The following NCAPD3 variants were observed in gnomAD, a reference collection of about 807,000 sequenced individuals.
NCAPD3 encodes non-SMC condensin II complex subunit D3.
NCAPD3 carries 105 observed loss-of-function variants against 182.9 expected under a neutral mutation model. The ratio of observed to expected loss-of-function variants is 0.57; its 90% CI spans 0.49 to 0.68. NCAPD3 has a LOEUF of 0.68. Ranked by LOEUF, NCAPD3 falls within the 30% of genes least tolerant of loss-of-function variation. NCAPD3 has a pLI of 0.00. For synonymous variants in NCAPD3, 815 were observed against 679.9 expected (o/e 1.20, Z -3.09); for missense variants, 1,944 against 1,837.0 (o/e 1.06, Z -1.07).
intron 16 of NCAPD3, among the ~76,000 whole-genome samples, chr11:134,187,127 C>T (rs907512708): frequency 1.3e-5 from 2 of 152,180 alleles, no homozygotes; most frequent in African/African-American, 4.8e-5. Flanking sequence ...CAGCCATTCC[C>T]CACCTGGGCA....
intron 26 of NCAPD3, 27 bp from the exon 27 acceptor site, chr11:134,168,222 T>A (rs1379390993): frequency 6.3e-7 from 1 of 1,598,708 alleles, no homozygotes; most frequent in Admixed American, 1.7e-5. Context: ...GAGAAAAACG[T>A]GAGCTTCTGA....
rs1039811870 is a variant in NCAPD3 at position 134,168,360 on chromosome 11, G to T, written c.3373+109C>A. On this transcript the variant is annotated intron_variant, in intron 26 of 34. Coordinates refer to ENST00000534548, the MANE Select transcript of NCAPD3 (RefSeq NM_015261.3). ...GCCAGAGAAGGACAAGATGACAGGG[G>T]TCTTCCTGCAGTGCCAGGGTCTCCC... 1.4e-5 allele frequency: 21 copies of T among 1,526,796 alleles called. No individual in the cohort carries two copies. In the African/African-American group the frequency reaches 2.7e-4, roughly 20 times the overall value. 94.6% of individuals were successfully genotyped at this position (1,526,796 alleles called of 1,614,324 possible).
At chr11:134,155,854 C>T (rs1235667921) in intron 32 of NCAPD3, among the ~76,000 whole-genome samples, 4 of 131,892 alleles carry the variant, frequency 3.0e-5, no homozygotes, top group South Asian at 5.7e-4. Context: ...ATTCGGTTGT[C>T]GTCTGAGGGT....
At chr11:134,207,825 T>C (rs1937672425) in intron 7 of NCAPD3, among the ~76,000 whole-genome samples, 1 of 151,956 alleles carries the variant, frequency 6.6e-6, no homozygotes, top group Non-Finnish European at 1.5e-5. Flanking sequence ...ATGTTATTGT[T>C]TAAAATATTT....
At chr11:134,172,762 C>T (rs753361185) in intron 24 of NCAPD3, among the ~76,000 whole-genome samples, 10 of 152,012 alleles carry the variant, frequency 6.6e-5, no homozygotes, top group South Asian at 2.1e-4. Flanking sequence ...TCATACAGGC[C>T]GGGGTGGTGG....
chr11:134,176,404 G>C lies in NCAPD3; in HGVS notation c.3022-18C>G. 6.2e-7 allele frequency: 1 copy of C among 1,610,712 alleles called. No individual in the cohort carries two copies. Among genetic ancestry groups the C allele is most frequent in the Non-Finnish European group, 8.5e-7 (1 of 1,177,260 alleles). On this transcript the variant is annotated intron_variant, in intron 23 of 34. Transcript: ENST00000534548. ...AATTCCTCCTGTGCAGAGAGAAGCC[G>C]GCATGTTTCAGAGTGCGTCATCATG...
At chr11:134,205,706 T>G (rs1344419461) in intron 8 of NCAPD3, among the ~76,000 whole-genome samples, 1 of 152,236 alleles carries the variant, frequency 6.6e-6, no homozygotes, top group Non-Finnish European at 1.5e-5. Flanking sequence ...ATGCCCAGAC[T>G]TGATCCATTT....
chr11:134,210,334 C>G lies in NCAPD3; in HGVS notation c.503G>C (p.Ser168Thr). ...ATGCCTCCCGGGGTTAGCCTGAGAG[C>G]TCTTAGGCTGTTCTTTCTTTCTTTT... ...NRKRKKEQPK[S>T]SQANPGRHRK... is the part of the protein sequence containing the mutation. Residue 168 changes from serine (S) to threonine (T), a missense_variant, in exon 4 of 35, where the codon AGC becomes ACC. Physicochemically the swap from Ser to Thr is moderately conservative, Grantham distance 58 (BLOSUM62 1). Coordinates refer to ENST00000534548, the MANE Select transcript of NCAPD3 (RefSeq NM_015261.3). 6.2e-7 allele frequency: 1 copy of G among 1,614,200 alleles called. No individual in the cohort carries two copies. Among genetic ancestry groups the G allele is most frequent in the Non-Finnish European group, 8.5e-7 (1 of 1,180,030 alleles).
intron 1 of NCAPD3, among the ~76,000 whole-genome samples, chr11:134,222,692 A>G (rs1938277832): frequency 6.6e-6 from 1 of 152,222 alleles, no homozygotes; most frequent in Non-Finnish European, 1.5e-5. Context: ...GGGAGGAGGG[A>G]GAGGAATAAG....
intron 27 of NCAPD3, among the ~76,000 whole-genome samples, chr11:134,165,640 G>A (rs1943757832): frequency 6.7e-6 from 1 of 148,654 alleles, no homozygotes; most frequent in African/African-American, 2.5e-5. Flanking sequence ...GCTTAGGGGA[G>A]GCCCACACTC....
At chr11:134,201,729 T>C (rs1019910127) in intron 13 of NCAPD3, among the ~76,000 whole-genome samples, 19 of 152,242 alleles carry the variant, frequency 1.2e-4, no homozygotes, top group African/African-American at 4.6e-4. Flanking sequence ...AAAAAGTCTG[T>C]GCCACCGTAA....
At chr11:134,223,729 G>A (rs952906250) in intron 1 of NCAPD3, 134 bp downstream of exon 1, 50 of 1,076,290 alleles carry the variant, frequency 4.6e-5, no homozygotes, top group Non-Finnish European at 6.8e-5. Flanking sequence ...CACGGCCCTG[G>A]GGACCCCAGG....
chr11:134,173,543 C>T, intron 24 of NCAPD3: 1 of 153,418 alleles, frequency 6.5e-6, no homozygotes, highest in Admixed American at 6.5e-5. Context: ...CATGCTGCAG[C>T]CCCTGGCCCC....
At chr11:134,166,126 G>A (rs1231934162) in intron 27 of NCAPD3, among the ~76,000 whole-genome samples, 1 of 12,822 alleles carries the variant, frequency 7.8e-5, no homozygotes, top group Non-Finnish European at 3.0e-4. Flanking sequence ...AGATGAGCTT[G>A]GGGGAGGGGC....
chr11:134,158,065 G>A lies in NCAPD3; in HGVS notation c.4037C>T (p.Pro1346Leu). 1 of 1,613,338 alleles carries A rather than the reference G, an allele frequency of 6.2e-7. No homozygotes were observed. Among genetic ancestry groups the A allele is most frequent in the South Asian group, 1.1e-5 (1 of 91,008 alleles). Residue 1346 changes from proline to leucine, a missense_variant and splice_region_variant, in exon 31 of 35, where the codon CCC becomes CTC. Transcript: ENST00000534548. ...PLQRLLPKARPMSLSTIAILN... is the reference protein window; with the variant it reads ...PLQRLLPKARLMSLSTIAILN... ...GATTGCAATGGTGCTCAGGGACATGGGCCTGTGGAGAACAGCCACAGCCGC... is the reference window on the plus strand; with the variant it reads ...GATTGCAATGGTGCTCAGGGACATGAGCCTGTGGAGAACAGCCACAGCCGC...
intron 1 of NCAPD3, chr11:134,223,149 T>G (rs1340595221): frequency 4.4e-6 from 2 of 459,554 alleles, no homozygotes; most frequent in Non-Finnish European, 3.9e-6. Context: ...GGGGAAACAT[T>G]AAAGGTGTAC....
intron 16 of NCAPD3, among the ~76,000 whole-genome samples, chr11:134,189,226 CTT>C (rs1273682205): frequency 6.6e-6 from 1 of 152,034 alleles, no homozygotes; most frequent in African/African-American, 2.4e-5. Flanking sequence ...TACCTTTTTT[CTT>C]GTCATATCTC....
intron 13 of NCAPD3, among the ~76,000 whole-genome samples, chr11:134,201,286 A>T (rs984764289): frequency 6.6e-6 from 1 of 151,860 alleles, no homozygotes; most frequent in Non-Finnish European, 1.5e-5. Context: ...CGGCCTCCCA[A>T]TGTGCCAGGA....
intron 3 of NCAPD3, among the ~76,000 whole-genome samples, chr11:134,211,373 G>T (rs1235096841): frequency 6.6e-6 from 1 of 152,024 alleles, no homozygotes; most frequent in African/African-American, 2.4e-5. Flanking sequence ...CCTGGCTAAG[G>T]GCAGTGGCTC....
Sources: gnomAD v4.1 joint callset for allele counts (sites outside exome capture counted in the v4.1 genomes callset) on GRCh38, gnomAD v4.1.1 for gene constraint, MANE v1.5 for transcripts, NCBI Gene and HGNC (gene_info 2026-07-23, HGNC 2026-07-21) for gene names.